ROBO2: variants seen among roughly 807,000 people sequenced by gnomAD.
ROBO2 encodes the protein roundabout homolog 2.
A neutral mutation model predicts 160.8 loss-of-function variants in ROBO2; 53 were observed. The ratio of observed to expected loss-of-function variants is 0.33; its 90% CI spans 0.26 to 0.41. ROBO2 has a LOEUF of 0.41. Among genes scored for constraint, ROBO2 ranks in the 10% least tolerant of loss-of-function variants. The pLI is 1.00. For missense variants in ROBO2, 1,577 were observed against 1,722.4 expected (o/e 0.92, Z 1.49); for synonymous variants, 664 against 611.7 (o/e 1.09, Z -1.26).
intron 2 of ROBO2, among the ~76,000 whole-genome samples, chr3:77,424,479 A>C (rs1226171695): frequency 6.6e-6 from 1 of 152,194 alleles, no homozygotes; most frequent in East Asian, 1.9e-4. Flanking sequence ...TCTGGAGACT[A>C]TTCCTTTGAG....
chr3:77,294,066 A>G (rs2061681518), intron 2 of ROBO2, among the ~76,000 whole-genome samples: 1 of 143,136 alleles, frequency 7.0e-6, no homozygotes, highest in Non-Finnish European at 1.5e-5. Context: ...AGTTGAGGCT[A>G]GAACAGTAAA....
At position 76,180,432 on chromosome 3, in the gene ROBO2, C is replaced by A. The variant is rs147134880; in HGVS notation, c.109+242830C>A. ...CACATAAAATATTGAAAAGAGAATT[C>A]TTCACTCACCCCAAATTTGTGCTTC... On this transcript the variant is annotated intron_variant, in intron 2 of 26. Transcript: ENST00000487694. 1.4e-3 allele frequency among the ~76,000 whole-genome samples: 211 copies of A among 152,230 alleles called. 2 individuals carry two copies. The highest frequency in any genetic ancestry group is 5.0e-3 in the African/African-American group (209 of 41,548).
intron 2 of ROBO2, among the ~76,000 whole-genome samples, chr3:76,105,963 A>G (rs1453782792): frequency 6.6e-6 from 1 of 152,154 alleles, no homozygotes; most frequent in Non-Finnish European, 1.5e-5. Flanking sequence ...GGTTTCAGTT[A>G]TTACATTAAA....
chr3:76,149,960 ACAT>A lies in ROBO2; in HGVS notation c.109+212362_109+212364del, dbSNP rs544040456. On this transcript the variant is annotated intron_variant, in intron 2 of 26. Coordinates refer to the ROBO2 transcript ENST00000487694. Reference sequence around the variant, plus strand: ...TAAAACACACATCTGTCTAAAGCACACATCATATGTCTAAAGCACACATCTGTC... The same window carrying A: ...TAAAACACACATCTGTCTAAAGCACACATATGTCTAAAGCACACATCTGTC... Among the ~76,000 whole-genome samples, 52 of 151,704 alleles carry A rather than the reference ACAT, an allele frequency of 3.4e-4. No homozygotes were observed. The South Asian group carries it at 5.9e-3, about 17-fold the overall frequency.
chr3:77,511,927 G>T lies in ROBO2; in HGVS notation c.807-10848G>T, dbSNP rs553048348. 4.6e-5 allele frequency among the ~76,000 whole-genome samples: 7 copies of T among 151,834 alleles called. No individual in the cohort carries two copies. The South Asian group carries it at 1.5e-3, about 32-fold the overall frequency. ...TTTTTATTTTCTTAAAAGGGTATCC[G>T]TCTCTCATACTTCTCTAAGGTGCCC... On this transcript the variant is annotated intron_variant, in intron 5 of 25. Transcript: ENST00000461745.
At chr3:76,912,719 T>C (rs1216464448) in intron 2 of ROBO2, among the ~76,000 whole-genome samples, 1 of 152,142 alleles carries the variant, frequency 6.6e-6, no homozygotes, top group Non-Finnish European at 1.5e-5. Context: ...GAATAATTTA[T>C]AGATAAAATT....
At chr3:76,310,790 G>A (rs951903841) in intron 2 of ROBO2, among the ~76,000 whole-genome samples, 3 of 152,094 alleles carry the variant, frequency 2.0e-5, no homozygotes, top group African/African-American at 4.8e-5. Context: ...TGGTTTTCAA[G>A]CCCAGCACTA....
chr3:76,893,628 G>A (rs1245843063), intron 2 of ROBO2, among the ~76,000 whole-genome samples: 1 of 151,728 alleles, frequency 6.6e-6, no homozygotes, highest in Non-Finnish European at 1.5e-5. Context: ...GGTGTTTAAG[G>A]TATCCATGAA....
At chr3:77,372,352 T>G (rs2071892632) in intron 2 of ROBO2, among the ~76,000 whole-genome samples, 1 of 152,184 alleles carries the variant, frequency 6.6e-6, no homozygotes, top group Non-Finnish European at 1.5e-5. Flanking sequence ...AAATAATCCT[T>G]AAGTTTCTTT....
At chr3:76,959,601 G>A (rs1460187898) in intron 2 of ROBO2, among the ~76,000 whole-genome samples, 1 of 152,068 alleles carries the variant, frequency 6.6e-6, no homozygotes, top group Admixed American at 6.5e-5. Flanking sequence ...CATTTTCAAG[G>A]ATGCTAAGTC....
At chr3:77,176,641 G>C (rs563227130) in intron 2 of ROBO2, among the ~76,000 whole-genome samples, 11 of 151,980 alleles carry the variant, frequency 7.2e-5, no homozygotes, top group African/African-American at 2.4e-4. Flanking sequence ...AAAACTTGTG[G>C]ATCTCACTAG....
chr3:77,038,427 G>A (rs1219318863), upstream of ROBO2, among the ~76,000 whole-genome samples: 1 of 151,978 alleles, frequency 6.6e-6, no homozygotes, highest in Non-Finnish European at 1.5e-5. Context: ...CTTGAATGTC[G>A]CTGACCTTTT....
chr3:77,598,529 A>G (rs921519540), intron 19 of ROBO2, among the ~76,000 whole-genome samples: 56 of 146,358 alleles, frequency 3.8e-4, no homozygotes, highest in African/African-American at 1.1e-3. Flanking sequence ...ATATATGTGT[A>G]TATATATATA....
intron 2 of ROBO2, among the ~76,000 whole-genome samples, chr3:76,715,254 A>G (rs2093361080): frequency 6.6e-6 from 1 of 152,268 alleles, no homozygotes; most frequent in Middle Eastern, 3.4e-3. Context: ...AAAAGTTAAT[A>G]ATCTTCCAGG....
At chr3:76,644,414 A>T (rs2090864425) in intron 2 of ROBO2, among the ~76,000 whole-genome samples, 1 of 152,122 alleles carries the variant, frequency 6.6e-6, no homozygotes, top group African/African-American at 2.4e-5. Flanking sequence ...ATCACTCCTG[A>T]TTTTTCCCTG....
intron 2 of ROBO2, among the ~76,000 whole-genome samples, chr3:76,222,840 C>T (rs568461877): frequency 3.8e-4 from 58 of 152,078 alleles, no homozygotes; most frequent in African/African-American, 1.3e-3. Flanking sequence ...CTGCAACCTC[C>T]GCCACCCGGG....
intron 2 of ROBO2, among the ~76,000 whole-genome samples, chr3:77,158,860 C>T (rs192149628): frequency 3.3e-4 from 50 of 152,194 alleles, no homozygotes; most frequent in Admixed American, 2.7e-3. Flanking sequence ...CTTCCTTTAG[C>T]GGCTGATCAC....
intron 5 of ROBO2, among the ~76,000 whole-genome samples, chr3:77,517,278 A>G (rs1582640370): frequency 6.6e-6 from 1 of 151,604 alleles, no homozygotes; most frequent in East Asian, 1.9e-4. Flanking sequence ...AGGGTCAGCC[A>G]TGGAAAACAC....
intron 2 of ROBO2, among the ~76,000 whole-genome samples, chr3:77,143,670 A>G (rs1430896240): frequency 6.6e-5 from 10 of 152,146 alleles, no homozygotes; most frequent in Admixed American, 6.5e-4. Context: ...GTTCATTTTT[A>G]ACCTAAGTAG....
Sources: gnomAD v4.1 joint callset for allele counts (sites outside exome capture counted in the v4.1 genomes callset) on GRCh38, gnomAD v4.1.1 for gene constraint, MANE v1.5 for transcripts, NCBI Gene and HGNC (gene_info 2026-07-23, HGNC 2026-07-21) for gene names.